The following GRIN2B variants were observed in gnomAD, a reference collection of about 807,000 sequenced individuals.
GRIN2B encodes glutamate receptor ionotropic, NMDA 2B.
A neutral mutation model predicts 114.5 loss-of-function variants in GRIN2B; 5 were observed. That is an observed-to-expected ratio of 0.04 (90% CI 0.02 to 0.09). The LOEUF (loss-of-function observed/expected upper bound fraction) is 0.09, where lower values mean the gene tolerates loss of function less well. Ranked by LOEUF, GRIN2B falls within the 10% of genes least tolerant of loss-of-function variation. The pLI is 1.00. For synonymous variants in GRIN2B, 787 were observed against 745.1 expected (o/e 1.06, Z -0.92); for missense variants, 1,108 against 1,943.5 (o/e 0.57, Z 8.08).
intron 2 of GRIN2B, among the ~76,000 whole-genome samples, chr12:13,880,903 C>G (rs548128221): frequency 6.6e-6 from 1 of 152,260 alleles, no homozygotes; most frequent in Admixed American, 6.5e-5. Context: ...AAGGTTGTTC[C>G]ACAGCCTATT....
intron 3 of GRIN2B, among the ~76,000 whole-genome samples, chr12:13,754,160 T>G (rs925228966): frequency 6.6e-6 from 1 of 152,252 alleles, no homozygotes; most frequent in African/African-American, 2.4e-5. Context: ...ATACTTGCCT[T>G]GTCTGAAATC....
chr12:13,961,085 T>C (rs76130659), intron 2 of GRIN2B, among the ~76,000 whole-genome samples: 1 of 145,866 alleles, frequency 6.9e-6, no homozygotes, highest in South Asian at 2.1e-4. Context: ...TCTGACGACT[T>C]TTTTTTTTTT....
At chr12:13,679,204 T>C (rs1392901594) in intron 4 of GRIN2B, among the ~76,000 whole-genome samples, 2 of 152,130 alleles carry the variant, frequency 1.3e-5, no homozygotes, top group Non-Finnish European at 2.9e-5. Flanking sequence ...TAAGAATATT[T>C]AAAGGAAAGT....
intron 4 of GRIN2B, among the ~76,000 whole-genome samples, chr12:13,717,319 G>T (rs1323055912): frequency 6.6e-6 from 1 of 150,410 alleles, no homozygotes; most frequent in Middle Eastern, 3.4e-3. Context: ...AAACAATTCT[G>T]ATTTAAAATA....
intron 10 of GRIN2B, among the ~76,000 whole-genome samples, chr12:13,575,163 C>T (rs1175596349): frequency 6.6e-6 from 1 of 151,948 alleles, no homozygotes; most frequent in Non-Finnish European, 1.5e-5. Context: ...GCTACAACAC[C>T]AAAAGCACAA....
chr12:13,650,533 GGAC>G (rs1949803483), intron 5 of GRIN2B, among the ~76,000 whole-genome samples: 1 of 152,012 alleles, frequency 6.6e-6, no homozygotes, highest in Non-Finnish European at 1.5e-5. Context: ...TAGAGATTCA[GGAC>G]GACCAGCCAC....
At chr12:13,655,525 C>T (rs1211459727) in intron 5 of GRIN2B, among the ~76,000 whole-genome samples, 2 of 152,130 alleles carry the variant, frequency 1.3e-5, no homozygotes, top group African/African-American at 4.8e-5. Flanking sequence ...AGAATGGGAC[C>T]AGACCTTTCT....
chr12:13,889,374 A>G (rs1866220648), intron 2 of GRIN2B, among the ~76,000 whole-genome samples: 1 of 152,234 alleles, frequency 6.6e-6, no homozygotes. Flanking sequence ...CTACTGATTA[A>G]GCTTGAGATA....
intron 10 of GRIN2B, among the ~76,000 whole-genome samples, chr12:13,606,030 A>G (rs2136463550): frequency 6.6e-6 from 1 of 152,030 alleles, no homozygotes; most frequent in East Asian, 1.9e-4. Flanking sequence ...GCCCTGCTAT[A>G]CTCTGTGTGG....
chr12:13,946,501 A>G (rs918037818), intron 2 of GRIN2B, among the ~76,000 whole-genome samples: 1 of 152,070 alleles, frequency 6.6e-6, no homozygotes, highest in Admixed American at 6.6e-5. Flanking sequence ...CATTATATAC[A>G]TGATGCTTGA....
chr12:13,778,487 G>A (rs763857983), intron 3 of GRIN2B, among the ~76,000 whole-genome samples: 5 of 152,182 alleles, frequency 3.3e-5, no homozygotes, highest in Admixed American at 6.5e-5. Context: ...GGGTCTTGTG[G>A]CTCCTATTCT....
intron 2 of GRIN2B, among the ~76,000 whole-genome samples, chr12:13,878,063 C>CAAAAAAA (rs71067735): frequency 2.7e-5 from 2 of 73,234 alleles, no homozygotes; most frequent in Non-Finnish European, 5.1e-5. Context: ...GACTCTGTCT[C>CAAAAAAA]AAAAAAAAAA....
At chr12:13,811,082 C>T (rs1864719969) in intron 3 of GRIN2B, among the ~76,000 whole-genome samples, 1 of 152,198 alleles carries the variant, frequency 6.6e-6, no homozygotes, top group Non-Finnish European at 1.5e-5. Flanking sequence ...CCATCTATGG[C>T]AACTGGCCAA....
At chr12:13,947,859 G>T (rs530926261) in intron 2 of GRIN2B, among the ~76,000 whole-genome samples, 1 of 152,112 alleles carries the variant, frequency 6.6e-6, no homozygotes, top group South Asian at 2.1e-4. Flanking sequence ...CTTCCATAAC[G>T]TTAAACCACG....
At chr12:13,935,202 G>T (rs926080803) in intron 2 of GRIN2B, among the ~76,000 whole-genome samples, 6 of 152,130 alleles carry the variant, frequency 3.9e-5, no homozygotes, top group African/African-American at 1.2e-4. Flanking sequence ...TATTCAAAAG[G>T]CTAGCATATG....
At position 13,559,467 on chromosome 12, in the gene GRIN2B, A is replaced by C. The variant is rs539412608; in HGVS notation, c.*3316T>G. On this transcript the variant is annotated 3_prime_UTR_variant, in exon 14 of 14. Coordinates refer to ENST00000609686, the MANE Select transcript of GRIN2B (RefSeq NM_000834.5). ...GTTAACCCAAGGCCAGATTATGAAC[A>C]CCTGGCTCGAGGCCAGTAGCACCTT... 2.0e-5 allele frequency: 3 copies of C among 152,354 alleles called. No individual in the cohort carries two copies. Among genetic ancestry groups the C allele is most frequent in the Non-Finnish European group, 4.4e-5 (3 of 68,034 alleles). 9.4% of individuals were successfully genotyped at this position (152,354 alleles called of 1,614,324 possible). A position where few individuals can be genotyped will look rare whatever the true frequency, so the allele number is the denominator to read the frequency against.
chr12:13,873,157 T>C (rs73296767), intron 2 of GRIN2B, among the ~76,000 whole-genome samples: 2,079 of 152,292 alleles, frequency 0.014, 47 homozygotes, highest in African/African-American at 0.048. Flanking sequence ...TTTTTAAGAA[T>C]TGTAAGTTCC....
At chr12:13,567,404 T>G in intron 12 of GRIN2B, 141 bp from the exon 13 acceptor site, 1 of 662,546 alleles carries the variant, frequency 1.5e-6, no homozygotes, top group Non-Finnish European at 2.7e-6. Flanking sequence ...AGAAAGGAAA[T>G]GAATAAAGTT....
intron 4 of GRIN2B, among the ~76,000 whole-genome samples, chr12:13,695,389 A>G (rs1328969606): frequency 1.3e-5 from 2 of 152,210 alleles, no homozygotes; most frequent in African/African-American, 2.4e-5. Context: ...TTTAAAGACT[A>G]TGCTTGTTTT....
Sources: allele counts gnomAD v4.1 joint callset (sites outside exome capture counted in the v4.1 genomes callset), GRCh38; gene constraint gnomAD v4.1.1; transcripts MANE v1.5; gene names NCBI Gene and HGNC (gene_info 2026-07-23, HGNC 2026-07-21).